FMO2: variants seen among roughly 807,000 people sequenced by gnomAD.
FMO2 encodes flavin-containing monooxygenase 2.
FMO2 carries 33 observed loss-of-function variants against 41.6 expected under a neutral mutation model. The ratio of observed to expected loss-of-function variants is 0.79; its 90% CI spans 0.60 to 1.06. FMO2 has a LOEUF of 1.06. Among genes scored for constraint, FMO2 ranks in the 50% least tolerant of loss-of-function variants. The pLI, the probability that FMO2 is intolerant of heterozygous loss-of-function variation, is 0.00. For missense variants in FMO2, 619 were observed against 632.9 expected, an observed-to-expected ratio of 0.98 and a Z score of 0.23; for synonymous variants, 214 against 219.6, an observed-to-expected ratio of 0.97 and a Z score of 0.23.
chr1:171,188,940 C>T (rs1333035353), intron 2 of FMO2: 3 of 152,118 alleles, frequency 2.0e-5, no homozygotes, highest in African/African-American at 4.8e-5. Flanking sequence ...GCAAGCATCA[C>T]CTTCTTTTCT....
chr1:171,185,778 T>C lies in FMO2; in HGVS notation c.65T>C (p.Val22Ala), dbSNP rs779581690. ...GGCCTAATTTCTCTGAAGTGCTGTG[T>C]GGATGAGGGACTTGAGCCCACTTGC... ...VSGLISLKCC[V>A]DEGLEPTCFE... Residue 22 changes from valine (V) to alanine (A), a missense_variant, in exon 2 of 9, where the codon GTG becomes GCG. Physicochemically the swap from Val to Ala is moderately conservative, Grantham distance 64. Transcript: ENST00000209929. 1.3e-5 allele frequency: 21 copies of C among 1,613,878 alleles called. No individual in the cohort carries two copies. The South Asian group carries it at 2.3e-4, about 18-fold the overall frequency.
At position 171,189,654 on chromosome 1, in the gene FMO2, C is replaced by CTTTTTTTTT. The variant is rs199536748; in HGVS notation, c.133-3677_133-3676insTTTTTTTTT. On this transcript the variant is annotated intron_variant, in intron 2 of 8. Coordinates refer to ENST00000209929, the MANE Select transcript of FMO2 (RefSeq NM_001460.5). The stretch of plus-strand genomic sequence containing the variant: ...ACAGAAATCTGAGCCCGTCTTTTTT[C>CTTTTTTTTT]TTTTCTTTTTTTTTTTTTTTTTGAG... Among the ~76,000 whole-genome samples the CTTTTTTTTT allele has an allele frequency of 5.3e-3, 648 of 122,464 alleles. 36 individuals carry two copies. The highest frequency in any genetic ancestry group is 0.012 in the East Asian group (49 of 3,922). 80.3% of individuals were successfully genotyped at this position (122,464 alleles called of 152,430 possible). A position where few individuals can be genotyped will look rare whatever the true frequency, so the allele number is the denominator to read the frequency against.
At position 171,196,688 on chromosome 1, in the gene FMO2, T is replaced by G; in HGVS notation, c.361T>G (p.Ser121Ala). Residue 121 changes from serine to alanine, a missense_variant, in exon 4 of 9, where the codon TCC (serine) becomes GCC (alanine). Ser to Ala is a moderately conservative substitution (Grantham distance 99). Transcript: ENST00000209929. The stretch of plus-strand genomic sequence containing the variant: ...TGTGAGAAAATGTCCAGATTTCTCA[T>G]CCTCTGGCCAATGGAAGGTTGTCAC... ...LSVRKCPDFS[S>A]SGQWKVVTQS... 6.2e-7 allele frequency: 1 copy of G among 1,613,408 alleles called. No homozygotes were observed. Among genetic ancestry groups the G allele is most frequent in the Non-Finnish European group, 8.5e-7 (1 of 1,179,842 alleles).
At chr1:171,197,408 G>C (rs183933983) in intron 4 of FMO2, among the ~76,000 whole-genome samples, 1 of 152,148 alleles carries the variant, frequency 6.6e-6, no homozygotes, top group African/African-American at 2.4e-5. Flanking sequence ...TACCCCCAAA[G>C]ATTCAAACAC....
chr1:171,207,979 A>T (rs1658834029), intron 8 of FMO2, among the ~76,000 whole-genome samples, 189 bp downstream of exon 8: 1 of 152,200 alleles, frequency 6.6e-6, no homozygotes, highest in South Asian at 2.1e-4. Flanking sequence ...AGCGATTCTT[A>T]TACATACTAG....
rs1254246110 is a variant in FMO2 at position 171,209,321 on chromosome 1, A to G, written c.*176A>G. ...CAGAATTAGGCATATGTACAAAACCAAAATTTTGTCATGAAATTTTGCCTT... is the reference window on the plus strand; with the variant it reads ...CAGAATTAGGCATATGTACAAAACCGAAATTTTGTCATGAAATTTTGCCTT... On this transcript the variant is annotated 3_prime_UTR_variant, in exon 9 of 9. Coordinates refer to ENST00000209929, the MANE Select transcript of FMO2 (RefSeq NM_001460.5). 3 of 392,502 alleles carry G rather than the reference A, an allele frequency of 7.6e-6. No individual in the cohort carries two copies. The highest frequency in any genetic ancestry group is 1.3e-5 in the Non-Finnish European group (3 of 222,914). 24.3% of individuals were successfully genotyped at this position (392,502 alleles called of 1,614,324 possible).
rs972177089 is a variant in FMO2, at chr1:171,211,116, T to A, written c.*1971T>A. The stretch of plus-strand genomic sequence containing the variant: ...AAAGATTATTTGTAAGTCATTGTAT[T>A]AATAATACTAATAAAATTTATCAAG... On this transcript the variant is annotated 3_prime_UTR_variant, in exon 9 of 9. Transcript: ENST00000209929. 1.3e-5 allele frequency: 2 copies of A among 152,176 alleles called. No individual in the cohort carries two copies. Among genetic ancestry groups the A allele is most frequent in the Non-Finnish European group, 2.9e-5 (2 of 68,036 alleles). 9.4% of individuals were successfully genotyped at this position (152,176 alleles called of 1,614,324 possible). A position where few individuals can be genotyped will look rare whatever the true frequency, so the allele number is the denominator to read the frequency against.
chr1:171,188,301 C>G (rs28369811), intron 2 of FMO2, among the ~76,000 whole-genome samples: 2,488 of 152,150 alleles, frequency 0.016, 36 homozygotes, highest in Middle Eastern at 0.044. Context: ...TATCCTTTTG[C>G]CAGTATCTAA....
intron 6 of FMO2, 87 bp from the exon 7 acceptor site, chr1:171,205,192 T>C: frequency 2.7e-6 from 2 of 749,500 alleles, no homozygotes; most frequent in Non-Finnish European, 4.3e-6. Flanking sequence ...CCCTTTTATT[T>C]TCAGAGCCGT....
intron 3 of FMO2, among the ~76,000 whole-genome samples, chr1:171,194,196 A>T (rs1259661388): frequency 6.6e-6 from 1 of 152,218 alleles, no homozygotes; most frequent in East Asian, 1.9e-4. Context: ...TCTTCATAGA[A>T]ATGGGATTTC....
chr1:171,203,905 G>A lies in FMO2; in HGVS notation c.668G>A (p.Arg223His), dbSNP rs147227176. The A allele has an allele frequency of 8.4e-5, 136 of 1,613,584 alleles. No individual in the cohort carries two copies. Among genetic ancestry groups the A allele is most frequent in the Admixed American group, 4.3e-4 (26 of 59,950 alleles). The part of the protein sequence containing the change: ...STRHGTWVMS[R>H]ISEDGYPWDS... ...AGGCATGGCACCTGGGTCATGAGCC[G>A]TATCTCTGAAGATGGCTATCCTTGG... is the stretch of plus-strand genomic sequence containing the variant. Residue 223 changes from arginine to histidine, a missense_variant, in exon 6 of 9, where the codon CGT becomes CAT. Physicochemically the swap from Arg to His is conservative, Grantham distance 29. Transcript: ENST00000209929.
rs779327610 is a variant in FMO2, at chr1:171,205,382, GC to G, written c.933del (p.Ile312SerfsTer34). 1 of 1,613,710 alleles carries G rather than the reference GC, an allele frequency of 6.2e-7. No homozygotes were observed. Among genetic ancestry groups the G allele is most frequent in the Non-Finnish European group, 8.5e-7 (1 of 1,179,720 alleles). ...STVKELTETS[A>X]IFEDGTVEEN... ...AGTGAAAGAGCTCACAGAAACTTCTGCCATCTTTGAGGATGGAACAGTGGAG... is the reference window on the plus strand; with the variant it reads ...AGTGAAAGAGCTCACAGAAACTTCTGCATCTTTGAGGATGGAACAGTGGAG... On this transcript the variant is annotated frameshift_variant, in exon 7 of 9. Transcript: ENST00000209929. LOFTEE classifies it high-confidence loss of function.
chr1:171,208,917 T>A lies in FMO2; in HGVS notation c.1380T>A (p.Ala460=). 6.2e-7 allele frequency: 1 copy of A among 1,614,000 alleles called. No individual in the cohort carries two copies. Among genetic ancestry groups the A allele is most frequent in the Non-Finnish European group, 8.5e-7 (1 of 1,179,900 alleles). ...CSLLFKDPKL[A]VRLYFGPCNS... The stretch of plus-strand genomic sequence containing the variant: ...TCTTGTTCAAAGATCCTAAACTGGC[T>A]GTGAGACTCTATTTCGGACCCTGCA... Residue 460 remains alanine (A), a synonymous_variant, in exon 9 of 9, where the codon GCT becomes GCA. Coordinates refer to ENST00000209929, the MANE Select transcript of FMO2 (RefSeq NM_001460.5).
At chr1:171,201,209 G>A (rs1008260344) in intron 5 of FMO2, among the ~76,000 whole-genome samples, 2 of 151,950 alleles carry the variant, frequency 1.3e-5, no homozygotes, top group Non-Finnish European at 2.9e-5. Context: ...CCCCTTTTTA[G>A]GAGGTACTTC....
chr1:171,205,031 G>A (rs1018127811), intron 6 of FMO2, among the ~76,000 whole-genome samples: 2 of 152,168 alleles, frequency 1.3e-5, no homozygotes, highest in African/African-American at 2.4e-5. Flanking sequence ...CCTTGGGGAT[G>A]CTTCCTTCCT....
chr1:171,208,669 A>G (rs1418945296), intron 8 of FMO2, 125 bp from the exon 9 acceptor site: 1 of 850,836 alleles, frequency 1.2e-6, no homozygotes, highest in African/African-American at 1.7e-5. Flanking sequence ...TTTCCACCAG[A>G]GATTCATTGA....
In FMO2 at chr1:171,208,899, CA is replaced by C. The variant is rs769305233; in HGVS notation, c.1365del (p.Asp456IlefsTer6). 2 of 1,613,970 alleles carry C rather than the reference CA, an allele frequency of 1.2e-6. No individual in the cohort carries two copies. Among genetic ancestry groups the C allele is most frequent in the East Asian group, 4.5e-5 (2 of 44,870 alleles). On this transcript the variant is annotated frameshift_variant, in exon 9 of 9. Transcript: ENST00000209929. LOFTEE classifies it low-confidence loss of function (END_TRUNC). ...AKPDFCSLLFKDPKLAVRLYF... is the reference protein window; with the variant it reads ...AKPDFCSLLFXDPKLAVRLYF... ...AGCCAGATTTCTGCTCTCTCTTGTT[CA>C]AAGATCCTAAACTGGCTGTGAGACT...
Position 171,205,406 on chromosome 1 carries a change from G to C in FMO2, c.955G>C (p.Glu319Gln), listed in dbSNP as rs1392074843. The change falls in exon 7 of 9, where the codon GAG becomes CAG. Residue 319 changes from glutamate (E) to glutamine (Q), a missense_variant. Coordinates refer to ENST00000209929, the MANE Select transcript of FMO2 (RefSeq NM_001460.5). ...TSAIFEDGTV[E>Q]ENIDVIIFAT... Reference sequence around the variant, plus strand: ...TGCCATCTTTGAGGATGGAACAGTGGAGGAGAACATTGATGTCATCATTTT... The same window carrying C: ...TGCCATCTTTGAGGATGGAACAGTGCAGGAGAACATTGATGTCATCATTTT... 1 of 1,613,866 alleles carries C rather than the reference G, an allele frequency of 6.2e-7. No individual in the cohort carries two copies. The highest frequency in any genetic ancestry group is 1.1e-5 in the South Asian group (1 of 91,080).
At position 171,196,630 on chromosome 1, in the gene FMO2, T is replaced by C. The variant is rs928222689; in HGVS notation, c.322-19T>C. 3 of 1,609,924 alleles carry C rather than the reference T, an allele frequency of 1.9e-6. No homozygotes were observed. Among genetic ancestry groups the C allele is most frequent in the Middle Eastern group, 2.1e-4 (1 of 4,850 alleles). On this transcript the variant is annotated intron_variant, in intron 3 of 8. Transcript: ENST00000209929. Reference sequence around the variant, plus strand: ...TCCTGGAGTAATTCTCAATGATGCCTTCTCTGTGTTTCTTCAAGACAACTG... The same window carrying C: ...TCCTGGAGTAATTCTCAATGATGCCCTCTCTGTGTTTCTTCAAGACAACTG...
Sources: gnomAD v4.1 joint callset for allele counts (sites outside exome capture counted in the v4.1 genomes callset) on GRCh38, gnomAD v4.1.1 for gene constraint, MANE v1.5 for transcripts, NCBI Gene and HGNC (gene_info 2026-07-23, HGNC 2026-07-21) for gene names.